The following COTL1 variants were observed in gnomAD, a reference collection of about 807,000 sequenced individuals.
COTL1 encodes the protein coactosin like F-actin binding protein 1, also known as coactosin-like protein.
COTL1 carries 15 observed loss-of-function variants against 16.5 expected under a neutral mutation model. The observed-to-expected ratio is 0.91, with a 90% CI of 0.61 to 1.40. The LOEUF (loss-of-function observed/expected upper bound fraction) is 1.40. COTL1 is among the 40% of genes most tolerant of loss of function. The pLI is 0.00. For synonymous variants in COTL1, 112 were observed against 85.3 expected, an observed-to-expected ratio of 1.31 and a Z score of -1.73; for missense variants, 220 against 201.5, an observed-to-expected ratio of 1.09 and a Z score of -0.56.
intron 3 of COTL1, among the ~76,000 whole-genome samples, chr16:84,571,817 C>T (rs1904341518): frequency 6.6e-6 from 1 of 152,214 alleles, no homozygotes; most frequent in African/African-American, 2.4e-5. Flanking sequence ...CCAGCCTGCT[C>T]CTGAGTGGAC....
intron 2 of COTL1, among the ~76,000 whole-genome samples, chr16:84,609,439 C>G (rs552051259): frequency 6.6e-6 from 1 of 152,348 alleles, no homozygotes; most frequent in African/African-American, 2.4e-5. Flanking sequence ...GGCTGTGAGA[C>G]AGGAGAGTGC....
intron 2 of COTL1, among the ~76,000 whole-genome samples, chr16:84,593,634 C>G (rs1012584132): frequency 6.6e-6 from 1 of 152,014 alleles, no homozygotes; most frequent in East Asian, 1.9e-4. Flanking sequence ...GCCTCAGCCC[C>G]CCGAGTAGCT....
chr16:84,567,981 G>C (rs1011593390), intron 3 of COTL1: 1 of 152,000 alleles, frequency 6.6e-6, no homozygotes, highest in African/African-American at 2.4e-5. Flanking sequence ...AAGCCCATAA[G>C]GAAATAACAT....
chr16:84,607,740 A>G (rs540222914), intron 2 of COTL1, among the ~76,000 whole-genome samples: 71 of 152,194 alleles, frequency 4.7e-4, no homozygotes, highest in African/African-American at 1.7e-3. Context: ...ATCTGACCTG[A>G]AGGTTAGAAA....
At chr16:84,608,562 C>G (rs1230879276) in intron 2 of COTL1, among the ~76,000 whole-genome samples, 1 of 152,200 alleles carries the variant, frequency 6.6e-6, no homozygotes, top group Non-Finnish European at 1.5e-5. Context: ...CTGGATAGTG[C>G]AGAAAATTAC....
chr16:84,616,465 T>C (rs1905486909), intron 2 of COTL1: 1 of 151,236 alleles, frequency 6.6e-6, no homozygotes, highest in Non-Finnish European at 1.5e-5. Flanking sequence ...ATTGTACCAC[T>C]GCACTCCAGC....
At chr16:84,610,071 T>A (rs554066352) in intron 2 of COTL1, among the ~76,000 whole-genome samples, 3 of 152,290 alleles carry the variant, frequency 2.0e-5, no homozygotes, top group African/African-American at 7.2e-5. Flanking sequence ...CTCAAACATC[T>A]GAAGACAACA....
At chr16:84,603,239 C>G (rs890194568) in intron 2 of COTL1, among the ~76,000 whole-genome samples, 1 of 152,210 alleles carries the variant, frequency 6.6e-6, no homozygotes, top group African/African-American at 2.4e-5. Context: ...CCAGCCCCCA[C>G]GGGGACAGCT....
intron 3 of COTL1, among the ~76,000 whole-genome samples, chr16:84,583,614 G>A (rs542076272): frequency 6.6e-6 from 1 of 152,102 alleles, no homozygotes; most frequent in Non-Finnish European, 1.5e-5. Flanking sequence ...GCGACACCAT[G>A]CCCCAGCTAA....
intron 3 of COTL1, among the ~76,000 whole-genome samples, chr16:84,584,892 C>G (rs976701043): frequency 6.6e-6 from 1 of 152,136 alleles, no homozygotes; most frequent in African/African-American, 2.4e-5. Context: ...GCCATGTGCC[C>G]AAGGCCACAC....
rs1904301532 is a variant in COTL1, at chr16:84,566,947, A to G, written c.327T>C (p.Ala109=). The G allele has an allele frequency of 6.2e-7, 1 of 1,612,028 alleles. No individual in the cohort carries two copies. The highest frequency in any genetic ancestry group is 8.5e-7 in the Non-Finnish European group (1 of 1,178,136). Residue 109 remains alanine, a synonymous_variant, in exon 4 of 4, where the codon GCT becomes GCC. Coordinates refer to ENST00000262428, the MANE Select transcript of COTL1 (RefSeq NM_021149.5). The part of the protein sequence containing the change: ...TLVKEVVQNF[A]KEFVISDRKE... ...TCCGATCACTGATCACAAACTCCTT[A>G]GCGAAATTCTGCAAGAACAAAGGAA...
intron 2 of COTL1, among the ~76,000 whole-genome samples, chr16:84,591,823 C>CAATTA (rs1555523359): frequency 8.3e-6 from 1 of 120,668 alleles, no homozygotes; most frequent in Non-Finnish European, 1.8e-5. Flanking sequence ...GACCCTGTCT[C>CAATTA]AAATAAAATA....
chr16:84,603,525 C>G (rs1440191354), intron 2 of COTL1, among the ~76,000 whole-genome samples: 1 of 152,148 alleles, frequency 6.6e-6, no homozygotes, highest in African/African-American at 2.4e-5. Context: ...TGATCCTCAT[C>G]AGCCAGCTGA....
chr16:84,583,154 T>A (rs1329259721), intron 3 of COTL1, among the ~76,000 whole-genome samples: 1 of 152,184 alleles, frequency 6.6e-6, no homozygotes, highest in East Asian at 1.9e-4. Context: ...ACAGCCTGGA[T>A]TCCAGGCATA....
intron 3 of COTL1, among the ~76,000 whole-genome samples, chr16:84,579,825 G>C (rs1219113588): frequency 6.6e-6 from 1 of 152,174 alleles, no homozygotes; most frequent in Non-Finnish European, 1.5e-5. Flanking sequence ...AAGAGAAGAG[G>C]GGGAGGAAAG....
intron 3 of COTL1, among the ~76,000 whole-genome samples, chr16:84,581,875 T>A (rs1904602219): frequency 6.6e-6 from 1 of 152,068 alleles, no homozygotes; most frequent in South Asian, 2.1e-4. Context: ...CTGAGTGTAA[T>A]TAGCTTCCAC....
At chr16:84,611,779 G>A (rs1905332444) in intron 2 of COTL1, among the ~76,000 whole-genome samples, 1 of 152,310 alleles carries the variant, frequency 6.6e-6, no homozygotes, top group African/African-American at 2.4e-5. Flanking sequence ...TTATGAGTAT[G>A]CCACAGAGAA....
At chr16:84,599,089 T>A (rs1409954400) in intron 2 of COTL1, among the ~76,000 whole-genome samples, 1 of 104,578 alleles carries the variant, frequency 9.6e-6, no homozygotes, top group Non-Finnish European at 1.9e-5. Flanking sequence ...CTCCCCCCCT[T>A]CCCCCTCCCA....
intron 2 of COTL1, among the ~76,000 whole-genome samples, chr16:84,592,547 A>C (rs1357562173): frequency 1.3e-5 from 2 of 151,922 alleles, no homozygotes; most frequent in Non-Finnish European, 2.9e-5. Flanking sequence ...CTACGCTTCT[A>C]AGAAGCTTCC....
Sources: allele counts gnomAD v4.1 joint callset (sites outside exome capture counted in the v4.1 genomes callset), GRCh38; gene constraint gnomAD v4.1.1; transcripts MANE v1.5; gene names NCBI Gene and HGNC (gene_info 2026-07-23, HGNC 2026-07-21).